Variants in PCDH15 observed in about 807,000 individuals in gnomAD.
The protein encoded by PCDH15 is protocadherin-15.
PCDH15 carries 129 observed loss-of-function variants against 178.5 expected under a neutral mutation model. The observed-to-expected ratio is 0.72, with a 90% CI of 0.63 to 0.84. The LOEUF (loss-of-function observed/expected upper bound fraction) is 0.84, where lower values mean the gene tolerates loss of function less well. Ranked by LOEUF, PCDH15 falls within the 40% of genes least tolerant of loss-of-function variation. The pLI, the probability that PCDH15 is intolerant of heterozygous loss-of-function variation, is 0.00. For missense variants in PCDH15, 2,230 were observed against 2,099.9 expected, an observed-to-expected ratio of 1.06 and a Z score of -1.21; for synonymous variants, 800 against 732.0, an observed-to-expected ratio of 1.09 and a Z score of -1.50.
intron 2 of PCDH15, among the ~76,000 whole-genome samples, chr10:55,620,983 A>C (rs1453973377): frequency 6.6e-6 from 1 of 151,884 alleles, no homozygotes; most frequent in African/African-American, 2.4e-5. Flanking sequence ...ATGTTAATTT[A>C]ATACATAATG....
At chr10:55,469,348 C>T (rs928884740) in intron 2 of PCDH15, 3 of 151,978 alleles carry the variant, frequency 2.0e-5, no homozygotes, top group African/African-American at 7.2e-5. Context: ...GATTATTTTC[C>T]ATATTTTTAA....
At chr10:54,987,216 T>C (rs2131911903) in intron 2 of PCDH15, among the ~76,000 whole-genome samples, 1 of 152,298 alleles carries the variant, frequency 6.6e-6, no homozygotes, top group East Asian at 1.9e-4. Flanking sequence ...TAAGGCTGCA[T>C]AGTATTCCAT....
At chr10:55,541,089 G>A (rs1412509496) in intron 2 of PCDH15, among the ~76,000 whole-genome samples, 1 of 152,042 alleles carries the variant, frequency 6.6e-6, no homozygotes, top group East Asian at 1.9e-4. Flanking sequence ...ATGTTGCACA[G>A]TGTAACGTTT....
chr10:54,460,082 T>A (rs74934798), intron 3 of PCDH15, among the ~76,000 whole-genome samples: 3,704 of 152,248 alleles, frequency 0.024, 124 homozygotes, highest in African/African-American at 0.084. Flanking sequence ...TAATACAGTC[T>A]AATTTCACTA....
At chr10:55,596,473 G>A (rs1227122033) in intron 2 of PCDH15, among the ~76,000 whole-genome samples, 1 of 152,062 alleles carries the variant, frequency 6.6e-6, no homozygotes, top group East Asian at 1.9e-4. Context: ...TACAGGGAAA[G>A]TCACTTCACT....
At chr10:55,428,559 T>G (rs1336646710) in intron 2 of PCDH15, among the ~76,000 whole-genome samples, 1 of 151,566 alleles carries the variant, frequency 6.6e-6, no homozygotes, top group Non-Finnish European at 1.5e-5. Context: ...TTTCTCTATA[T>G]CTATAATTAT....
At chr10:54,393,218 G>C (rs1300650203) in intron 3 of PCDH15, among the ~76,000 whole-genome samples, 1 of 152,058 alleles carries the variant, frequency 6.6e-6, no homozygotes, top group East Asian at 1.9e-4. Context: ...TACCTTTCTA[G>C]CTAATGGTAG....
chr10:54,656,966 C>T (rs1349032692), intron 2 of PCDH15, among the ~76,000 whole-genome samples: 1 of 152,164 alleles, frequency 6.6e-6, no homozygotes, highest in Non-Finnish European at 1.5e-5. Context: ...ACAACAGCTA[C>T]ACCTCCATTC....
intron 2 of PCDH15, among the ~76,000 whole-genome samples, chr10:55,625,269 C>A (rs1269129428): frequency 6.6e-6 from 1 of 152,042 alleles, no homozygotes; most frequent in East Asian, 1.9e-4. Flanking sequence ...TTTGAGAATA[C>A]CCATCTTCTA....
chr10:54,438,778 A>C (rs1463540137), intron 3 of PCDH15, among the ~76,000 whole-genome samples: 3 of 152,068 alleles, frequency 2.0e-5, no homozygotes, highest in African/African-American at 7.2e-5. Context: ...AATTGCCCCC[A>C]GTCTTTTTGA....
chr10:54,934,179 C>T (rs1837849077), intron 2 of PCDH15, among the ~76,000 whole-genome samples: 2 of 151,768 alleles, frequency 1.3e-5, no homozygotes, highest in Admixed American at 6.6e-5. Context: ...TTTTTTTGTC[C>T]TATTGTCTGT....
At chr10:53,878,419 G>A (rs994464077) in intron 26 of PCDH15, among the ~76,000 whole-genome samples, 48 of 91,238 alleles carry the variant, frequency 5.3e-4, no homozygotes, top group African/African-American at 9.4e-4. Context: ...GTACACACAC[G>A]TTGAATATAT....
chr10:54,226,036 G>A (rs1007336372), intron 9 of PCDH15, among the ~76,000 whole-genome samples: 1 of 152,190 alleles, frequency 6.6e-6, no homozygotes, highest in African/African-American at 2.4e-5. Flanking sequence ...GAAAGAGAGA[G>A]AGAGAGGGAT....
chr10:53,884,916 A>G (rs1400004772), intron 26 of PCDH15, among the ~76,000 whole-genome samples: 1 of 152,176 alleles, frequency 6.6e-6, no homozygotes, highest in Non-Finnish European at 1.5e-5. Context: ...CATGATGATT[A>G]CTAACATAAT....
intron 18 of PCDH15, among the ~76,000 whole-genome samples, chr10:54,047,643 C>A (rs1436960962): frequency 2.0e-5 from 3 of 151,956 alleles, no homozygotes; most frequent in African/African-American, 7.2e-5. Context: ...GTGTTTCAGT[C>A]CCACTTACAT....
chr10:54,058,753 G>T (rs985645643), intron 18 of PCDH15, among the ~76,000 whole-genome samples: 2 of 151,106 alleles, frequency 1.3e-5, no homozygotes, highest in Middle Eastern at 3.4e-3. Context: ...GAGTGCAGTG[G>T]TGCAATCTCA....
intron 2 of PCDH15, among the ~76,000 whole-genome samples, chr10:55,496,408 AT>A (rs1436827824): frequency 4.6e-5 from 7 of 151,908 alleles, no homozygotes; most frequent in African/African-American, 1.4e-4. Context: ...ATATGATTTC[AT>A]AAAATTTCAG....
At chr10:55,267,385 A>T (rs1488217615) in intron 1 of PCDH15, among the ~76,000 whole-genome samples, 1 of 152,216 alleles carries the variant, frequency 6.6e-6, no homozygotes, top group Non-Finnish European at 1.5e-5. Context: ...TCATGTAATT[A>T]TTGTGTTAAC....
chr10:54,487,253 A>G (rs913081063), intron 3 of PCDH15, among the ~76,000 whole-genome samples: 4 of 152,104 alleles, frequency 2.6e-5, no homozygotes, highest in Non-Finnish European at 4.4e-5. Context: ...AGAAAGACAA[A>G]TATCACATGT....
Sources: allele counts gnomAD v4.1 joint callset (sites outside exome capture counted in the v4.1 genomes callset), GRCh38; gene constraint gnomAD v4.1.1; transcripts MANE v1.5; gene names NCBI Gene and HGNC (gene_info 2026-07-23, HGNC 2026-07-21).